DCHS2: variants seen among roughly 807,000 people sequenced by gnomAD.
The protein encoded by DCHS2 is dachsous cadherin-related 2, also known as protocadherin-23.
Under a neutral mutation model 182.4 loss-of-function variants are expected in DCHS2, and 142 were observed. The observed-to-expected ratio is 0.78, with a 90% CI of 0.68 to 0.89. The LOEUF (loss-of-function observed/expected upper bound fraction) is 0.89, where lower values mean the gene tolerates loss of function less well. Ranked by LOEUF, DCHS2 falls within the 40% of genes least tolerant of loss-of-function variation. The probability of loss-of-function intolerance (pLI) is 0.00; values close to 1 mark genes in which losing one functional copy is unlikely to be tolerated. For missense variants in DCHS2, 4,319 were observed against 4,198.6 expected, an observed-to-expected ratio of 1.03 and a Z score of -0.79; for synonymous variants, 1,740 against 1,663.3, an observed-to-expected ratio of 1.05 and a Z score of -1.12.
rs373489427 is a variant in DCHS2 at position 154,490,804 on chromosome 4, G to A, written c.552C>T (p.Thr184=). ...CGTGGGCAACTGGCAGGCGGAAGGCGGTCCCTGGCGGGCTGAGCTCGGAGA... is the reference window on the plus strand; with the variant it reads ...CGTGGGCAACTGGCAGGCGGAAGGCAGTCCCTGGCGGGCTGAGCTCGGAGA... The part of the protein sequence containing the change: ...LDVSELSPPG[T]AFRLPVAHDP... The change falls in exon 1 of 20, where the codon ACC becomes ACT. Residue 184 remains threonine, a synonymous_variant. Transcript: ENST00000357232. 5 of 1,551,412 alleles carry A rather than the reference G, an allele frequency of 3.2e-6. No individual in the cohort carries two copies. The highest frequency in any genetic ancestry group is 4.4e-6 in the Non-Finnish European group (5 of 1,146,896).
intron 1 of DCHS2, among the ~76,000 whole-genome samples, chr4:154,423,787 T>C (rs1030145375): frequency 6.6e-6 from 1 of 152,242 alleles, no homozygotes; most frequent in African/African-American, 2.4e-5. Flanking sequence ...TACATACTTA[T>C]ATGCATGCAT....
intron 13 of DCHS2, among the ~76,000 whole-genome samples, chr4:154,289,728 G>T (rs4696544): frequency 2.0e-5 from 3 of 152,168 alleles, no homozygotes; most frequent in Admixed American, 2.0e-4. Context: ...ACATTAAGAA[G>T]ATCATTCATC....
At position 154,298,081 on chromosome 4, in the gene DCHS2, G is replaced by A. The variant is rs1289654166; in HGVS notation, c.6233C>T (p.Ala2078Val). 2 of 1,613,958 alleles carry A rather than the reference G, an allele frequency of 1.2e-6. No homozygotes were observed. Among genetic ancestry groups the A allele is most frequent in the Non-Finnish European group, 1.7e-6 (2 of 1,180,016 alleles). ...AATAGAAAACATTGACTGGGTCTCTGCAAAACTAAAAACCACAGTTCCATT... is the reference window on the plus strand; with the variant it reads ...AATAGAAAACATTGACTGGGTCTCTACAAAACTAAAAACCACAGTTCCATT... The part of the protein sequence containing the change: ...GPNGTVVFSF[A>V]ETQSMFSIDK... Residue 2078 changes from alanine to valine, a missense_variant, in exon 13 of 20, where the codon GCA (alanine) becomes GTA (valine). Coordinates refer to ENST00000357232, the MANE Select transcript of DCHS2 (RefSeq NM_001358235.2).
intron 1 of DCHS2, among the ~76,000 whole-genome samples, chr4:154,488,513 G>A (rs1303863217): frequency 2.0e-5 from 3 of 152,150 alleles, no homozygotes; most frequent in Non-Finnish European, 4.4e-5. Flanking sequence ...ACTCAAAACA[G>A]TGTCAGTGTA....
intron 1 of DCHS2, among the ~76,000 whole-genome samples, chr4:154,477,822 T>G (rs1735749466): frequency 6.6e-6 from 1 of 152,216 alleles, no homozygotes; most frequent in South Asian, 2.1e-4. Flanking sequence ...TAGGTGGTTC[T>G]TATCATGTGG....
intron 19 of DCHS2, among the ~76,000 whole-genome samples, chr4:154,238,553 T>C (rs1731645831): frequency 1.3e-5 from 2 of 152,194 alleles, no homozygotes; most frequent in South Asian, 4.1e-4. Context: ...ACTGTTTAAT[T>C]GAATGTAGAA....
intron 13 of DCHS2, among the ~76,000 whole-genome samples, chr4:154,280,446 C>T (rs1734077032): frequency 6.6e-6 from 1 of 152,044 alleles, no homozygotes; most frequent in Non-Finnish European, 1.5e-5. Flanking sequence ...ACCAATCTCC[C>T]TGATAAATAT....
At chr4:154,263,686 G>GAAAAAA (rs200534854) in intron 14 of DCHS2, among the ~76,000 whole-genome samples, 1 of 103,946 alleles carries the variant, frequency 9.6e-6, no homozygotes. Context: ...GGCCATTATT[G>GAAAAAA]AAAAAAAAAA....
intron 3 of DCHS2, among the ~76,000 whole-genome samples, chr4:154,348,813 T>C (rs1423194465): frequency 6.6e-6 from 1 of 151,980 alleles, no homozygotes; most frequent in Admixed American, 6.5e-5. Flanking sequence ...GAGATTCTGC[T>C]GTCTAAGCCA....
chr4:154,358,462 C>T (rs924149733), intron 3 of DCHS2, among the ~76,000 whole-genome samples: 4 of 152,160 alleles, frequency 2.6e-5, no homozygotes, highest in Admixed American at 6.5e-5. Context: ...GAGACAGTGA[C>T]TCTGTGGCCT....
chr4:154,462,528 G>A (rs185547677), intron 1 of DCHS2, among the ~76,000 whole-genome samples: 194 of 152,306 alleles, frequency 1.3e-3, no homozygotes, highest in African/African-American at 4.5e-3. Flanking sequence ...CACATGGACA[G>A]ACAGAGAGAC....
chr4:154,314,294 T>TA (rs1277463621), intron 10 of DCHS2, among the ~76,000 whole-genome samples: 1 of 152,130 alleles, frequency 6.6e-6, no homozygotes, highest in Non-Finnish European at 1.5e-5. Context: ...TAAGAGAACT[T>TA]TACTGAGCTA....
intron 1 of DCHS2, among the ~76,000 whole-genome samples, chr4:154,422,089 A>G (rs1269636864): frequency 6.6e-6 from 1 of 152,134 alleles, no homozygotes; most frequent in Non-Finnish European, 1.5e-5. Context: ...TTCTCTAAAT[A>G]TCCTTTTTCA....
In DCHS2 at chr4:154,368,222, T is replaced by C. The variant is rs762452239; in HGVS notation, c.2245-1781A>G. 2.2e-4 allele frequency among the ~76,000 whole-genome samples: 34 copies of C among 152,296 alleles called. No individual in the cohort carries two copies. In the Middle Eastern group the frequency reaches 0.01, roughly 46 times the overall value. On this transcript the variant is annotated intron_variant, in intron 2 of 19. Transcript: ENST00000357232. The stretch of plus-strand genomic sequence containing the variant: ...GTAAGAGGGGACTGCACACTGGTGA[T>C]AAGCTTATAGAAAATATTCCTTCAC...
chr4:154,333,117 C>A lies in DCHS2; in HGVS notation c.3091G>T (p.Ala1031Ser). 1 of 1,614,128 alleles carries A rather than the reference C, an allele frequency of 6.2e-7. No homozygotes were observed. Among genetic ancestry groups the A allele is most frequent in the Non-Finnish European group, 8.5e-7 (1 of 1,180,038 alleles). The change falls in exon 5 of 20, where the codon GCC becomes TCC. Residue 1031 changes from alanine (A) to serine (S), a missense_variant. Physicochemically the swap from Ala to Ser is moderately conservative, Grantham distance 99. Coordinates refer to ENST00000357232, the MANE Select transcript of DCHS2 (RefSeq NM_001358235.2). ...PQPGVFAIDR[A>S]LGVLFLNGSL... Reference sequence around the variant, plus strand: ...CCGTTGAGGAACAGCACCCCCAGGGCTCTGTCGATGGCAAAGACGCCTGGC... The same window carrying A: ...CCGTTGAGGAACAGCACCCCCAGGGATCTGTCGATGGCAAAGACGCCTGGC...
chr4:154,325,137 G>A (rs1169319111), intron 7 of DCHS2, among the ~76,000 whole-genome samples: 2 of 152,054 alleles, frequency 1.3e-5, no homozygotes, highest in Non-Finnish European at 2.9e-5. Context: ...AAATGGCAGA[G>A]TATGAATAAA....
chr4:154,236,430 T>C lies in DCHS2; in HGVS notation c.8222A>G (p.Gln2741Arg). Residue 2741 changes from glutamine to arginine, a missense_variant, in exon 20 of 20, where the codon CAA becomes CGA. Coordinates refer to ENST00000357232, the MANE Select transcript of DCHS2 (RefSeq NM_001358235.2). ...EKMTKFTLTV[Q>R]ASDAEKKHFS... The stretch of plus-strand genomic sequence containing the variant: ...ATGTTTCTTTTCTGCATCTGAAGCT[T>C]GGACAGTTAAGGTGAATTTTGTCAT... 1 of 1,614,104 alleles carries C rather than the reference T, an allele frequency of 6.2e-7. No homozygotes were observed. Among genetic ancestry groups the C allele is most frequent in the African/African-American group, 1.3e-5 (1 of 75,046 alleles).
chr4:154,318,989 G>A (rs989583361), intron 9 of DCHS2, among the ~76,000 whole-genome samples: 2 of 151,998 alleles, frequency 1.3e-5, no homozygotes, highest in East Asian at 3.9e-4. Context: ...TATTGGCATA[G>A]GATAAACATT....
At chr4:154,341,345 A>G (rs1345211421) in intron 3 of DCHS2, among the ~76,000 whole-genome samples, 10 of 146,090 alleles carry the variant, frequency 6.8e-5, no homozygotes, top group Non-Finnish European at 1.5e-4. Context: ...CTCCAGCCTG[A>G]GAGACAGAGC....
Sources: gnomAD v4.1 joint callset for allele counts (sites outside exome capture counted in the v4.1 genomes callset) on GRCh38, gnomAD v4.1.1 for gene constraint, MANE v1.5 for transcripts, NCBI Gene and HGNC (gene_info 2026-07-23, HGNC 2026-07-21) for gene names.